MIB1: variants seen among roughly 807,000 people sequenced by gnomAD.
The protein encoded by MIB1 is MIB E3 ubiquitin protein ligase 1.
Under a neutral mutation model 124.5 loss-of-function variants are expected in MIB1, and 278 were observed. The observed-to-expected ratio is 2.23, with a 90% CI of 2.02 to 2.47. The LOEUF (loss-of-function observed/expected upper bound fraction) is 2.47, where lower values mean the gene tolerates loss of function less well. MIB1 is among the 30% of genes most tolerant of loss of function. The probability of loss-of-function intolerance (pLI) is 0.00; values close to 1 mark genes in which losing one functional copy is unlikely to be tolerated. For synonymous variants in MIB1, 446 were observed against 429.4 expected, an observed-to-expected ratio of 1.04 and a Z score of -0.48; for missense variants, 957 against 1,254.4, an observed-to-expected ratio of 0.76 and a Z score of 3.58.
chr18:21,748,131 G>A (rs2040931439), intron 1 of MIB1, among the ~76,000 whole-genome samples: 1 of 152,176 alleles, frequency 6.6e-6, no homozygotes, highest in South Asian at 2.1e-4. Flanking sequence ...AGATAGTAGG[G>A]ATGAATGCCA....
intron 4 of MIB1, among the ~76,000 whole-genome samples, chr18:21,777,847 C>T (rs1266173034): frequency 2.0e-5 from 3 of 152,122 alleles, no homozygotes; most frequent in Non-Finnish European, 2.9e-5. Flanking sequence ...CGTGAGCCAA[C>T]GTGTACAGCC....
Position 21,768,553 on chromosome 18 carries a change from T to C in MIB1, c.402-70T>C, listed in dbSNP as rs2041190127. 15 of 1,126,446 alleles carry C rather than the reference T, an allele frequency of 1.3e-5. No homozygotes were observed. The South Asian group carries it at 2.1e-4, about 16-fold the overall frequency. 69.8% of individuals were successfully genotyped at this position (1,126,446 alleles called of 1,614,324 possible). A position where few individuals can be genotyped will look rare whatever the true frequency, so the allele number is the denominator to read the frequency against. The stretch of plus-strand genomic sequence containing the variant: ...ACTTTCAAAATAACATTTTTATAAT[T>C]TTGTTTTAAAAAGTAAATTATTGTT... On this transcript the variant is annotated intron_variant, in intron 2 of 20. Transcript: ENST00000261537.
chr18:21,781,526 G>A (rs1271682291), intron 6 of MIB1, among the ~76,000 whole-genome samples: 1 of 150,854 alleles, frequency 6.6e-6, no homozygotes, highest in African/African-American at 2.4e-5. Context: ...TGATTCTCTT[G>A]CCTCAGCCTC....
intron 1 of MIB1, among the ~76,000 whole-genome samples, chr18:21,758,391 C>T (rs1363937560): frequency 6.6e-6 from 1 of 152,068 alleles, no homozygotes; most frequent in Non-Finnish European, 1.5e-5. Context: ...GTTGGTTAAC[C>T]CTCCTTAGTC....
chr18:21,864,827 A>G lies in MIB1; in HGVS notation c.*161A>G. ...ATGTACCAGAACAAAAAACCCTACA[A>G]AATGGTGTTGGAAATTGTGTTTTTT... On this transcript the variant is annotated 3_prime_UTR_variant, in exon 21 of 21. Coordinates refer to ENST00000261537, the MANE Select transcript of MIB1 (RefSeq NM_020774.4). The G allele has an allele frequency of 2.2e-6, 1 of 460,676 alleles. No homozygotes were observed. The highest frequency in any genetic ancestry group is 3.7e-6 in the Non-Finnish European group (1 of 267,172). 28.5% of individuals were successfully genotyped at this position (460,676 alleles called of 1,614,324 possible).
chr18:21,819,747 G>T, intron 12 of MIB1, 101 bp downstream of exon 12: 1 of 824,858 alleles, frequency 1.2e-6, no homozygotes, highest in Non-Finnish European at 1.7e-6. Context: ...GGCTATTTTA[G>T]TATTTTAAAT....
In MIB1 at chr18:21,791,373, G is replaced by C. The variant is rs546652430; in HGVS notation, c.909-1G>C. ...TTTGAGGTTTAGCTTTGCTCTTGTAGGTGGACCTTCAATCCTGCTGTTCTC... is the reference window on the plus strand; with the variant it reads ...TTTGAGGTTTAGCTTTGCTCTTGTACGTGGACCTTCAATCCTGCTGTTCTC... On this transcript the variant is annotated splice_acceptor_variant, in intron 6 of 20. Transcript: ENST00000261537. LOFTEE classifies it high-confidence loss of function. 1.9e-6 allele frequency: 3 copies of C among 1,604,524 alleles called. No individual in the cohort carries two copies. The highest frequency in any genetic ancestry group is 1.3e-5 in the African/African-American group (1 of 74,822).
At chr18:21,706,270 A>G (rs1325771370) in intron 1 of MIB1, among the ~76,000 whole-genome samples, 3 of 152,144 alleles carry the variant, frequency 2.0e-5, no homozygotes, top group Admixed American at 1.3e-4. Context: ...CAGTAGAGAC[A>G]GGGTTTCACC....
intron 9 of MIB1, among the ~76,000 whole-genome samples, chr18:21,803,395 C>T (rs1312634221): frequency 6.6e-6 from 1 of 152,142 alleles, no homozygotes; most frequent in Admixed American, 6.5e-5. Context: ...GAAATTACTG[C>T]TTTATAATAG....
intron 1 of MIB1, among the ~76,000 whole-genome samples, chr18:21,727,334 A>G (rs1164816975): frequency 2.6e-5 from 4 of 152,220 alleles, no homozygotes; most frequent in Non-Finnish European, 5.9e-5. Flanking sequence ...GAGTTTTACC[A>G]TGTTGGCCAG....
chr18:21,836,239 CAG>C (rs2042030472), intron 12 of MIB1, among the ~76,000 whole-genome samples: 1 of 150,086 alleles, frequency 6.7e-6, no homozygotes, highest in South Asian at 2.1e-4. Flanking sequence ...GCCTGGGCAA[CAG>C]AGAGAAACTT....
chr18:21,709,133 G>A (rs1292107765), intron 1 of MIB1, among the ~76,000 whole-genome samples: 14 of 151,992 alleles, frequency 9.2e-5, no homozygotes, highest in South Asian at 2.1e-4. Context: ...TGGCTAACAC[G>A]GTGAAACCCC....
chr18:21,772,028 A>G (rs1339761168), intron 3 of MIB1, among the ~76,000 whole-genome samples: 1 of 152,172 alleles, frequency 6.6e-6, no homozygotes, highest in Admixed American at 6.6e-5. Context: ...ATAATGTGTA[A>G]TGTATTTCAA....
intron 7 of MIB1, 136 bp downstream of exon 7, chr18:21,791,693 G>A (rs1023718935): frequency 9.8e-6 from 6 of 610,358 alleles, no homozygotes; most frequent in South Asian, 2.9e-5. Flanking sequence ...AGACATACTC[G>A]TGCATTTTGT....
intron 12 of MIB1, chr18:21,825,943 G>T (rs747354324): frequency 1.9e-5 from 6 of 320,776 alleles, no homozygotes; most frequent in African/African-American, 4.6e-5. Flanking sequence ...GTTTTCCTGC[G>T]CTTAATGGTT....
intron 1 of MIB1, among the ~76,000 whole-genome samples, chr18:21,734,556 G>C (rs1196424002): frequency 7.4e-6 from 1 of 135,750 alleles, no homozygotes; most frequent in East Asian, 2.3e-4. Context: ...TCTCACAGAG[G>C]CTTGCTCTGT....
At chr18:21,807,498 A>C (rs1016055210) in intron 10 of MIB1, among the ~76,000 whole-genome samples, 2 of 152,222 alleles carry the variant, frequency 1.3e-5, no homozygotes, top group Non-Finnish European at 2.9e-5. Flanking sequence ...AGGATATAAG[A>C]ATTAACATTG....
chr18:21,835,782 A>ATAT lies in MIB1; in HGVS notation c.1830-2583_1830-2582insTAT, dbSNP rs1316800363. Among the ~76,000 whole-genome samples the ATAT allele has an allele frequency of 3.3e-3, 370 of 112,292 alleles. 5 individuals are homozygous for ATAT. The highest frequency in any genetic ancestry group is 0.012 in the African/African-American group (352 of 29,334). The allele number at this position is 112,292 out of a possible 152,430, so 73.7% of individuals were successfully genotyped here. On this transcript the variant is annotated intron_variant, in intron 12 of 20. Coordinates refer to ENST00000261537, the MANE Select transcript of MIB1 (RefSeq NM_020774.4). ...AAGACTCCATCTCAAGAAAAAAAAA[A>ATAT]AAATATATATATATATATCCACACA...
chr18:21,779,505 CTGG>C lies in MIB1; in HGVS notation c.732_734del (p.Gly245del). The C allele has an allele frequency of 6.2e-7, 1 of 1,614,028 alleles. No homozygotes were observed. Among genetic ancestry groups the C allele is most frequent in the Non-Finnish European group, 8.5e-7 (1 of 1,179,974 alleles). On this transcript the variant is annotated inframe_deletion, in exon 6 of 21. Coordinates refer to ENST00000261537, the MANE Select transcript of MIB1 (RefSeq NM_020774.4). The stretch of plus-strand genomic sequence containing the variant: ...GGTGAGCAGAATGGCAACAGGAATC[CTGG>C]TGGATTGCAGATTGGTGACCTGGTA...
Sources: allele counts gnomAD v4.1 joint callset (sites outside exome capture counted in the v4.1 genomes callset), GRCh38; gene constraint gnomAD v4.1.1; transcripts MANE v1.5; gene names NCBI Gene and HGNC (gene_info 2026-07-23, HGNC 2026-07-21).